Variants in SHC3 observed in about 807,000 individuals in gnomAD.
The protein encoded by SHC3 is SHC adaptor protein 3.
Under a neutral mutation model 60.4 loss-of-function variants are expected in SHC3, and 15 were observed. The observed-to-expected ratio is 0.25, with a 90% CI of 0.17 to 0.38. SHC3 has a LOEUF of 0.38. Ranked by LOEUF, SHC3 falls within the 10% of genes least tolerant of loss-of-function variation. SHC3 has a pLI of 1.00. For synonymous variants in SHC3, 294 were observed against 325.9 expected (o/e 0.90, Z 1.05); for missense variants, 677 against 786.1 (o/e 0.86, Z 1.66).
At chr9:89,168,549 C>T (rs572633287) in intron 1 of SHC3, among the ~76,000 whole-genome samples, 1 of 152,250 alleles carries the variant, frequency 6.6e-6, no homozygotes, top group South Asian at 2.1e-4. Flanking sequence ...TTGATCATTC[C>T]TTATCCCATA....
In SHC3 at chr9:89,165,157, T is replaced by C. The variant is rs540178163; in HGVS notation, c.474+12830A>G. 1.1e-4 allele frequency among the ~76,000 whole-genome samples: 16 copies of C among 152,204 alleles called. No individual in the cohort carries two copies. In the South Asian group the frequency reaches 1.2e-3, roughly 12 times the overall value. ...CTAATATTGAAAGATCTCCAAAGCA[T>C]ATAAAGTTAGAAAAGCAAGTCACAG... On this transcript the variant is annotated intron_variant, in intron 1 of 11. Coordinates refer to ENST00000375835, the MANE Select transcript of SHC3 (RefSeq NM_016848.6).
chr9:89,109,859 A>C (rs1825920572), intron 2 of SHC3: 1 of 985,360 alleles, frequency 1.0e-6, no homozygotes, highest in Admixed American at 6.1e-5. Context: ...CTTCTAAGCA[A>C]AGTCTCTCCC....
At chr9:89,119,574 A>G (rs1826062800) in intron 1 of SHC3, among the ~76,000 whole-genome samples, 1 of 152,172 alleles carries the variant, frequency 6.6e-6, no homozygotes, top group African/African-American at 2.4e-5. Context: ...TTAATGAGAA[A>G]TGTACAAAAT....
At chr9:89,128,978 G>A (rs965152637) in intron 1 of SHC3, among the ~76,000 whole-genome samples, 6 of 152,072 alleles carry the variant, frequency 3.9e-5, no homozygotes, top group African/African-American at 1.2e-4. Flanking sequence ...GAGGATGTTC[G>A]AACCCATCAT....
In SHC3 at chr9:89,107,750, G is replaced by A. The variant is rs1825884784; in HGVS notation, c.545+4806C>T. On this transcript the variant is annotated intron_variant, in intron 2 of 11. Transcript: ENST00000375835. ...GGTTGGGGGTGGGGTGGGGTGGTAG[G>A]TAATTCACATGACTGCTCTCTGTTC... Among the ~76,000 whole-genome samples, 3 of 152,280 alleles carry A rather than the reference G, an allele frequency of 2.0e-5. No homozygotes were observed. The East Asian group carries it at 5.8e-4, about 29-fold the overall frequency.
intron 2 of SHC3, among the ~76,000 whole-genome samples, chr9:89,103,944 G>A (rs17054731): frequency 0.013 from 2,034 of 152,254 alleles, 20 homozygotes; most frequent in South Asian, 0.034. Flanking sequence ...TGGGTGATAA[G>A]TGAACTCAGA....
At chr9:89,093,420 A>G (rs1206478576) in intron 2 of SHC3, among the ~76,000 whole-genome samples, 1 of 152,226 alleles carries the variant, frequency 6.6e-6, no homozygotes, top group East Asian at 1.9e-4. Flanking sequence ...TCTTGACTGC[A>G]TGGATGAAGC....
chr9:89,150,975 T>C (rs147029796), intron 1 of SHC3, among the ~76,000 whole-genome samples: 64 of 152,184 alleles, frequency 4.2e-4, no homozygotes, highest in African/African-American at 1.5e-3. Flanking sequence ...TGAGTAAAGA[T>C]GTTGAGCATC....
intron 1 of SHC3, among the ~76,000 whole-genome samples, chr9:89,155,722 A>G (rs1587759072): frequency 6.6e-6 from 1 of 152,252 alleles, no homozygotes. Flanking sequence ...CACATTCACA[A>G]GGACTTTCCT....
chr9:89,112,535 T>A, intron 2 of SHC3, 21 bp downstream of exon 2: 1 of 1,602,872 alleles, frequency 6.2e-7, no homozygotes, highest in East Asian at 2.2e-5. Flanking sequence ...ATCACAGGAG[T>A]CCATTTTCAA....
intron 9 of SHC3, among the ~76,000 whole-genome samples, chr9:89,043,114 G>T (rs777981130): frequency 1.3e-5 from 2 of 152,162 alleles, no homozygotes; most frequent in African/African-American, 4.8e-5. Flanking sequence ...CCCTATGGGC[G>T]GTGGTGTGTT....
chr9:89,169,205 C>A (rs1004589919), intron 1 of SHC3, among the ~76,000 whole-genome samples: 3 of 152,188 alleles, frequency 2.0e-5, no homozygotes, highest in Non-Finnish European at 2.9e-5. Context: ...CTGGAAGAGG[C>A]CCTGCCGGAC....
intron 5 of SHC3, among the ~76,000 whole-genome samples, chr9:89,070,192 T>C (rs960102408): frequency 1.3e-5 from 2 of 152,240 alleles, no homozygotes; most frequent in East Asian, 1.9e-4. Flanking sequence ...GGATATAAGA[T>C]CATTTTTCAA....
Position 89,071,179 on chromosome 9 carries a change from C to A in SHC3, c.783+20G>T, listed in dbSNP as rs751475612. The stretch of plus-strand genomic sequence containing the variant: ...AGAAATTCCCAACAAGAGCAAGAGA[C>A]CAACCCCAAGGGTACTTACCGGGTC... On this transcript the variant is annotated intron_variant, in intron 5 of 11. Transcript: ENST00000375835. The A allele has an allele frequency of 2.0e-5, 33 of 1,612,876 alleles. No homozygotes were observed. The highest frequency in any genetic ancestry group is 1.3e-5 in the African/African-American group (1 of 74,370).
At chr9:89,154,453 G>C (rs536866778) in intron 1 of SHC3, among the ~76,000 whole-genome samples, 1 of 152,172 alleles carries the variant, frequency 6.6e-6, no homozygotes, top group Non-Finnish European at 1.5e-5. Flanking sequence ...GATGCCCCAC[G>C]GTGTTTTGGG....
intron 11 of SHC3, among the ~76,000 whole-genome samples, chr9:89,037,058 G>A (rs1342099912): frequency 6.6e-6 from 1 of 152,074 alleles, no homozygotes; most frequent in Non-Finnish European, 1.5e-5. Context: ...ACTAGCTACT[G>A]GCTGGAAGTG....
At chr9:89,064,613 T>C (rs578258718) in intron 6 of SHC3, among the ~76,000 whole-genome samples, 11 of 152,030 alleles carry the variant, frequency 7.2e-5, no homozygotes, top group Non-Finnish European at 1.3e-4. Flanking sequence ...GGCCTGAGCA[T>C]TGAGGTTTTT....
intron 1 of SHC3, among the ~76,000 whole-genome samples, chr9:89,139,941 T>C (rs973322638): frequency 4.6e-5 from 7 of 152,236 alleles, no homozygotes; most frequent in Non-Finnish European, 1.0e-4. Context: ...AACAGTTTAT[T>C]ACCTTAAAGC....
intron 1 of SHC3, among the ~76,000 whole-genome samples, chr9:89,149,134 A>G (rs1402295635): frequency 1.3e-5 from 2 of 152,200 alleles, no homozygotes; most frequent in Admixed American, 1.3e-4. Context: ...AGCAAGTTAG[A>G]CATGCTGCAT....
Sources: gnomAD v4.1 joint callset for allele counts (sites outside exome capture counted in the v4.1 genomes callset) on GRCh38, gnomAD v4.1.1 for gene constraint, MANE v1.5 for transcripts, NCBI Gene and HGNC (gene_info 2026-07-23, HGNC 2026-07-21) for gene names.